PRSS21: variants seen among roughly 807,000 people sequenced by gnomAD.
PRSS21 encodes serine protease 21.
A neutral mutation model predicts 31.1 loss-of-function variants in PRSS21; 40 were observed. That is an observed-to-expected ratio of 1.29 (90% CI 1.00 to 1.68). The LOEUF (loss-of-function observed/expected upper bound fraction) is 1.68. PRSS21 is among the 40% of genes most tolerant of loss of function. The pLI is 0.00. For missense variants in PRSS21, 467 were observed against 412.6 expected (o/e 1.13, Z -1.14); for synonymous variants, 186 against 167.7 (o/e 1.11, Z -0.84).
At position 2,818,000 on chromosome 16, in the gene PRSS21, C is replaced by T; in HGVS notation, c.257+34C>T. ...GGGTGCGAACGGAGGGGTGCGGGGA[C>T]GGGCAGGAACAGGGCTGGAGGGAGT... On this transcript the variant is annotated intron_variant, in intron 3 of 5. Coordinates refer to ENST00000005995, the MANE Select transcript of PRSS21 (RefSeq NM_006799.4). The surrounding 1 kb of genome is among the most constrained non-coding windows in gnomAD (Gnocchi z 4.2). The T allele has an allele frequency of 1.3e-6, 2 of 1,532,836 alleles. No individual in the cohort carries two copies. The highest frequency in any genetic ancestry group is 1.2e-5 in the South Asian group (1 of 83,398). The allele number at this position is 1,532,836 out of a possible 1,614,324, so 95.0% of individuals were successfully genotyped here.
chr16:2,817,415 TC>T lies in PRSS21; in HGVS notation c.65-14del. ...GAGGTGGAGGCCGCGGGGAGTCACT[TC>T]TTGTCTCCCGCAGAGTCGCAGGAGG... On this transcript the variant is annotated splice_polypyrimidine_tract_variant and intron_variant, in intron 1 of 5. Coordinates refer to ENST00000005995, the MANE Select transcript of PRSS21 (RefSeq NM_006799.4). The surrounding 1 kb of genome is among the most constrained non-coding windows in gnomAD (Gnocchi z 4.2). 1 of 1,596,936 alleles carries T rather than the reference TC, an allele frequency of 6.3e-7. No individual in the cohort carries two copies. Among genetic ancestry groups the T allele is most frequent in the Non-Finnish European group, 8.5e-7 (1 of 1,176,200 alleles).
chr16:2,818,789 A>G lies in PRSS21; in HGVS notation c.370A>G (p.Ile124Val). ...AYYTRYFVSNIYLSPRYLGNS... is the reference protein window; with the variant it reads ...AYYTRYFVSNVYLSPRYLGNS... Reference sequence around the variant, plus strand: ...CTACACCCGTTACTTCGTATCGAATATCTATCTGAGCCCTCGCTACCTGGG... The same window carrying G: ...CTACACCCGTTACTTCGTATCGAATGTCTATCTGAGCCCTCGCTACCTGGG... The change falls in exon 4 of 6, where the codon ATC becomes GTC. Residue 124 changes from isoleucine to valine, a missense_variant. Physicochemically the swap from Ile to Val is conservative, Grantham distance 29 (BLOSUM62 3). Transcript: ENST00000005995. 1.2e-6 allele frequency: 2 copies of G among 1,613,542 alleles called. No individual in the cohort carries two copies. The highest frequency in any genetic ancestry group is 8.5e-7 in the Non-Finnish European group (1 of 1,179,460).
chr16:2,820,878 C>T (rs2072274), intron 4 of PRSS21, 77 bp from the exon 5 acceptor site: 21,736 of 1,488,948 alleles, frequency 0.015, 1,018 homozygotes, highest in African/African-American at 0.11. Context: ...AGGGCCCCCA[C>T]CCCCGCAGCC....
rs560512459 is a variant in PRSS21, at chr16:2,821,395, C to T, written c.735C>T (p.Asn245=). ...FGDSGGPLAC[N]KNGLWYQIGV... ...ACTCAGGTGGACCCTTGGCCTGTAA[C>T]AAGAATGGACTGTGGTATCAGATTG... The change falls in exon 6 of 6, where the codon AAC becomes AAT. Residue 245 remains asparagine, a synonymous_variant. Transcript: ENST00000005995. The T allele has an allele frequency of 9.3e-6, 15 of 1,614,082 alleles. No homozygotes were observed. Among genetic ancestry groups the T allele is most frequent in the African/African-American group, 5.3e-5 (4 of 74,930 alleles).
rs1194174431 is a variant in PRSS21, at chr16:2,818,770, C to A, written c.351C>A (p.Thr117=). Residue 117 remains threonine, a synonymous_variant, in exon 4 of 6, where the codon ACC becomes ACA. Coordinates refer to ENST00000005995, the MANE Select transcript of PRSS21 (RefSeq NM_006799.4). The part of the protein sequence containing the change: ...PSFWSLQAYY[T]RYFVSNIYLS... ...TCTGGAGCCTGCAGGCCTACTACACCCGTTACTTCGTATCGAATATCTATC... is the reference window on the plus strand; with the variant it reads ...TCTGGAGCCTGCAGGCCTACTACACACGTTACTTCGTATCGAATATCTATC... 6 of 1,613,602 alleles carry A rather than the reference C, an allele frequency of 3.7e-6. No individual in the cohort carries two copies. In the South Asian group the frequency reaches 5.5e-5, roughly 15 times the overall value.
rs200239747 is a variant in PRSS21, at chr16:2,820,928, C to G, written c.551-27C>G. The G allele has an allele frequency of 1.7e-3, 2,679 of 1,609,286 alleles. 8 individuals are homozygous for G. Among genetic ancestry groups the G allele is most frequent in the Non-Finnish European group, 1.7e-3 (1,950 of 1,178,586 alleles). On this transcript the variant is annotated intron_variant, in intron 4 of 5. Coordinates refer to ENST00000005995, the MANE Select transcript of PRSS21 (RefSeq NM_006799.4). ...ATAGAGGGGCCTCAGGTTGCTGTCT[C>G]TCTCCTTCCCACTATCGTCCGCACA... is the stretch of plus-strand genomic sequence containing the variant.
chr16:2,821,451 G>T lies in PRSS21; in HGVS notation c.791G>T (p.Arg264Leu), dbSNP rs2072273. The T allele has an allele frequency of 4.6e-5, 75 of 1,614,058 alleles. No individual in the cohort carries two copies. Among genetic ancestry groups the T allele is most frequent in the Non-Finnish European group, 5.9e-5 (70 of 1,180,024 alleles). The part of the protein sequence containing the change: ...GVVSWGVGCG[R>L]PNRPGVYTNI... Reference sequence around the variant, plus strand: ...GTGAGCTGGGGAGTGGGCTGTGGTCGGCCCAATCGGCCCGGTGTCTACACC... The same window carrying T: ...GTGAGCTGGGGAGTGGGCTGTGGTCTGCCCAATCGGCCCGGTGTCTACACC... Residue 264 changes from arginine (R) to leucine (L), a missense_variant, in exon 6 of 6, where the codon CGG (arginine) becomes CTG (leucine). Arg to Leu is a moderately radical substitution (Grantham distance 102). Coordinates refer to ENST00000005995, the MANE Select transcript of PRSS21 (RefSeq NM_006799.4).
chr16:2,821,524 T>G lies in PRSS21; in HGVS notation c.864T>G (p.Ser288Arg). 1 of 1,614,122 alleles carries G rather than the reference T, an allele frequency of 6.2e-7. No homozygotes were observed. The highest frequency in any genetic ancestry group is 1.1e-5 in the South Asian group (1 of 91,084). ...FEWIQKLMAQ[S>R]GMSQPDPSWP... is the part of the protein sequence containing the mutation. ...GGATCCAGAAGCTGATGGCCCAGAG[T>G]GGCATGTCCCAGCCAGACCCCTCCT... Residue 288 changes from serine to arginine, a missense_variant, in exon 6 of 6, where the codon AGT becomes AGG. Ser to Arg is a moderately radical substitution (Grantham distance 110). Coordinates refer to ENST00000005995, the MANE Select transcript of PRSS21 (RefSeq NM_006799.4).
Position 2,818,024 on chromosome 16 carries a change from G to A in PRSS21, c.257+58G>A. 2.7e-6 allele frequency: 4 copies of A among 1,506,044 alleles called. No individual in the cohort carries two copies. The South Asian group carries it at 3.7e-5, about 14-fold the overall frequency. 93.3% of individuals were successfully genotyped at this position (1,506,044 alleles called of 1,614,324 possible). A position where few individuals can be genotyped will look rare whatever the true frequency, so the allele number is the denominator to read the frequency against. ...ACGGGCAGGAACAGGGCTGGAGGGA[G>A]TGCCACCGAACTTTACCTCTGGTCT... On this transcript the variant is annotated intron_variant, in intron 3 of 5. Transcript: ENST00000005995.
rs1382933854 is a variant in PRSS21 at position 2,817,770 on chromosome 16, C to T, written c.92-31C>T. 2 of 1,540,858 alleles carry T rather than the reference C, an allele frequency of 1.3e-6. No homozygotes were observed. Among genetic ancestry groups the T allele is most frequent in the African/African-American group, 1.4e-5 (1 of 72,876 alleles). On this transcript the variant is annotated intron_variant, in intron 2 of 5. Coordinates refer to ENST00000005995, the MANE Select transcript of PRSS21 (RefSeq NM_006799.4). The surrounding 1 kb of genome is among the most constrained non-coding windows in gnomAD (Gnocchi z 4.2). ...AGGTCGGGCTTGGGGGGCTGCCTCC[C>T]GCGGCTCAGCAGTTCCTCTGACCAT...
chr16:2,818,575 A>G lies in PRSS21; in HGVS notation c.258-102A>G, dbSNP rs531427703. ...CAGGGGACCCTGGGTGTTAGCAAGT[A>G]GCAGCAACACCACAGTTTCCCCTCC... On this transcript the variant is annotated intron_variant, in intron 3 of 5. Transcript: ENST00000005995. 1.3e-3 allele frequency: 1,551 copies of G among 1,209,954 alleles called. 4 individuals carry two copies. The highest frequency in any genetic ancestry group is 1.7e-3 in the Non-Finnish European group (1,432 of 855,716). 75.0% of individuals were successfully genotyped at this position (1,209,954 alleles called of 1,614,324 possible).
At chr16:2,819,072 C>A in intron 4 of PRSS21, 103 bp downstream of exon 4, 2 of 1,324,062 alleles carry the variant, frequency 1.5e-6, no homozygotes, top group Non-Finnish European at 2.1e-6. Flanking sequence ...GCAGGCTATG[C>A]CCCTCTTGCT....
At chr16:2,818,295 C>T (rs1433075782) in intron 3 of PRSS21, among the ~76,000 whole-genome samples, 5 of 152,162 alleles carry the variant, frequency 3.3e-5, no homozygotes, top group Non-Finnish European at 7.4e-5. Flanking sequence ...TCCTGGTGGA[C>T]GGTGCGGTAC....
Position 2,821,009 on chromosome 16 carries a change from CTA to C in PRSS21, c.607_608del (p.Met203ValfsTer34), listed in dbSNP as rs1355050260. On this transcript the variant is annotated frameshift_variant, in exon 5 of 6. Coordinates refer to ENST00000005995, the MANE Select transcript of PRSS21 (RefSeq NM_006799.4). LOFTEE classifies it high-confidence loss of function. ...GTTCAGGTCGCCATCATAAACAACT[CTA>C]TGTGCAACCACCTCTTCCTCAAGTA... 4 of 1,614,014 alleles carry C rather than the reference CTA, an allele frequency of 2.5e-6. No homozygotes were observed. The highest frequency in any genetic ancestry group is 2.7e-5 in the African/African-American group (2 of 74,938).
In PRSS21 at chr16:2,818,894, CAG is replaced by C; in HGVS notation, c.476_477del (p.Gln159ArgfsTer5). The C allele has an allele frequency of 6.2e-7, 1 of 1,614,240 alleles. No homozygotes were observed. Among genetic ancestry groups the C allele is most frequent in the Non-Finnish European group, 8.5e-7 (1 of 1,180,032 alleles). Reference sequence around the variant, plus strand: ...TAAACACATCCAGCCCATCTGTCTCCAGGCCTCCACATTTGAGTTTGAGAACC... The same window carrying C: ...TAAACACATCCAGCCCATCTGTCTCCGCCTCCACATTTGAGTTTGAGAACC... ...YTKHIQPICLQASTFEFENRT... is the reference protein window; with the variant it reads ...YTKHIQPICLXASTFEFENRT... On this transcript the variant is annotated frameshift_variant, in exon 4 of 6. Transcript: ENST00000005995. LOFTEE classifies it high-confidence loss of function.
In PRSS21 at chr16:2,818,106, C is replaced by T. The variant is rs2069111773; in HGVS notation, c.257+140C>T. On this transcript the variant is annotated intron_variant, in intron 3 of 5. Coordinates refer to ENST00000005995, the MANE Select transcript of PRSS21 (RefSeq NM_006799.4). ...GGATGCGGCCTGGTGTTCTCCTGAG[C>T]CCCAGGCTGTGCTGCAGCCGGTTAC... 14 of 1,127,258 alleles carry T rather than the reference C, an allele frequency of 1.2e-5. No individual in the cohort carries two copies. The African/African-American group carries it at 2.0e-4, about 16-fold the overall frequency. The allele number at this position is 1,127,258 out of a possible 1,614,324, so 69.8% of individuals were successfully genotyped here.
In PRSS21 at chr16:2,817,511, G is replaced by T; in HGVS notation, c.91+55G>T. 6.8e-7 allele frequency: 1 copy of T among 1,474,952 alleles called. No homozygotes were observed. The highest frequency in any genetic ancestry group is 2.4e-5 in the East Asian group (1 of 41,006). 91.4% of individuals were successfully genotyped at this position (1,474,952 alleles called of 1,614,324 possible). ...CAGGGCCGTTGGGCCGAGGTGGACG[G>T]GGGGCGGTGAGGGGGTAGAGGGGGG... On this transcript the variant is annotated intron_variant, in intron 2 of 5. Transcript: ENST00000005995. This position sits in a 1 kb window ranked among gnomAD's most constrained non-coding sequence, Gnocchi z 4.2.
Position 2,817,621 on chromosome 16 carries a change from G to A in PRSS21, c.91+165G>A, listed in dbSNP as rs2069098471. ...ACTAACGGACGCTGGAGGGGGATGG[G>A]CGGGCCCTGCAGAGCACGTGGGAGG... On this transcript the variant is annotated intron_variant, in intron 2 of 5. Coordinates refer to ENST00000005995, the MANE Select transcript of PRSS21 (RefSeq NM_006799.4). The surrounding 1 kb of genome is among the most constrained non-coding windows in gnomAD (Gnocchi z 4.2). The A allele has an allele frequency of 1.6e-6, 2 of 1,278,600 alleles. No homozygotes were observed. Among genetic ancestry groups the A allele is most frequent in the South Asian group, 1.5e-5 (1 of 68,644 alleles). The allele number at this position is 1,278,600 out of a possible 1,614,324, so 79.2% of individuals were successfully genotyped here.
intron 3 of PRSS21, 152 bp downstream of exon 3, chr16:2,818,118 C>A: frequency 9.7e-7 from 1 of 1,031,144 alleles, no homozygotes; most frequent in Non-Finnish European, 1.4e-6. Flanking sequence ...CCAGGCTGTG[C>A]TGCAGCCGGT....
Sources: gnomAD v4.1 joint callset for allele counts (sites outside exome capture counted in the v4.1 genomes callset) on GRCh38, gnomAD v4.1.1 for gene constraint, Gnocchi (gnomAD v3.1) non-coding constraint, MANE v1.5 for transcripts, NCBI Gene and HGNC (gene_info 2026-07-23, HGNC 2026-07-21) for gene names.